ZNF341: variants seen among roughly 807,000 people sequenced by gnomAD.
The protein encoded by ZNF341 is zinc finger protein 341.
A neutral mutation model predicts 87.7 loss-of-function variants in ZNF341; 52 were observed. That is an observed-to-expected ratio of 0.59 (90% confidence interval 0.47 to 0.75). ZNF341 has a LOEUF of 0.75. Ranked by LOEUF, ZNF341 falls within the 30% of genes least tolerant of loss-of-function variation. The pLI is 0.00. For synonymous variants in ZNF341, 459 were observed against 472.7 expected, an observed-to-expected ratio of 0.97 and a Z score of 0.38; for missense variants, 977 against 1,145.9, an observed-to-expected ratio of 0.85 and a Z score of 2.13.
intron 2 of ZNF341, among the ~76,000 whole-genome samples, chr20:33,741,545 A>G (rs1471750264): frequency 6.6e-6 from 1 of 152,076 alleles, no homozygotes; most frequent in Non-Finnish European, 1.5e-5. Flanking sequence ...CTGGGATTAC[A>G]GGCGTGCGCC....
intron 5 of ZNF341, among the ~76,000 whole-genome samples, chr20:33,755,591 CTTTTTTT>C (rs1004093201): frequency 9.3e-5 from 11 of 118,030 alleles, no homozygotes; most frequent in African/African-American, 3.6e-4. Flanking sequence ...GAGTTGAATT[CTTTTTTT>C]TTTTTTTTTT....
intron 5 of ZNF341, among the ~76,000 whole-genome samples, chr20:33,755,481 G>A (rs373994620): frequency 1.8e-4 from 27 of 150,456 alleles, no homozygotes; most frequent in African/African-American, 6.6e-4. Context: ...AATTTTTTTT[G>A]TACCTTTTTT....
At chr20:33,740,604 A>C (rs2018778443) in intron 1 of ZNF341, among the ~76,000 whole-genome samples, 1 of 152,142 alleles carries the variant, frequency 6.6e-6, no homozygotes, top group Non-Finnish European at 1.5e-5. Flanking sequence ...ATCCAGGCTC[A>C]AGCAGTCCTC....
intron 8 of ZNF341, among the ~76,000 whole-genome samples, chr20:33,764,557 ATATATTTTTTTTTTT>A (rs2019362478): frequency 5.3e-5 from 3 of 56,078 alleles, no homozygotes; most frequent in Non-Finnish European, 2.9e-5. Flanking sequence ...ATATATATAT[ATATATTTTTTTTTTT>A]TTTTTTTTTT....
intron 1 of ZNF341, among the ~76,000 whole-genome samples, chr20:33,734,175 C>T (rs1267733173): frequency 6.6e-6 from 1 of 151,460 alleles, no homozygotes; most frequent in Non-Finnish European, 1.5e-5. Context: ...GGAGAATGGC[C>T]CAGGCAGCAG....
chr20:33,740,443 C>T (rs952126314), intron 1 of ZNF341, among the ~76,000 whole-genome samples: 14 of 152,130 alleles, frequency 9.2e-5, no homozygotes, highest in Admixed American at 3.3e-4. Context: ...CTTGGGCTCT[C>T]TCACAATGGA....
At chr20:33,761,594 T>C (rs1697588099) in intron 7 of ZNF341, among the ~76,000 whole-genome samples, 1 of 152,094 alleles carries the variant, frequency 6.6e-6, no homozygotes, top group African/African-American at 2.4e-5. Flanking sequence ...GCTTGAACAA[T>C]TAGGAAATGT....
At chr20:33,746,954 A>G (rs141700160) in intron 3 of ZNF341, among the ~76,000 whole-genome samples, 46 of 152,140 alleles carry the variant, frequency 3.0e-4, no homozygotes, top group African/African-American at 1.1e-3. Flanking sequence ...ATGCCTGCCA[A>G]CCTTTAAACG....
chr20:33,732,021 G>C lies in ZNF341; in HGVS notation c.-1G>C, dbSNP rs921223366. ...GTGGCGGCGACGGCGGCGGCTCCAA[G>C]ATGGCGCAGGCGATCTTTGAGGCCC... On this transcript the variant is annotated 5_prime_UTR_variant, in exon 1 of 15. Transcript: ENST00000375200. This position sits in a 1 kb window ranked among gnomAD's most constrained non-coding sequence, Gnocchi z 4.5. 5 of 1,422,110 alleles carry C rather than the reference G, an allele frequency of 3.5e-6. No individual in the cohort carries two copies. Among genetic ancestry groups the C allele is most frequent in the Admixed American group, 5.8e-5 (2 of 34,554 alleles). The allele number at this position is 1,422,110 out of a possible 1,614,324, so 88.1% of individuals were successfully genotyped here.
chr20:33,744,978 T>C, intron 2 of ZNF341, 125 bp from the exon 3 acceptor site: 2 of 810,592 alleles, frequency 2.5e-6, no homozygotes, highest in Non-Finnish European at 3.9e-6. Context: ...CCCAGATTGC[T>C]GCTTGTGGTC....
rs544631685 is a variant in ZNF341, at chr20:33,736,140, A to G, written c.31+4088A>G. 6.4e-3 allele frequency among the ~76,000 whole-genome samples: 850 copies of G among 133,436 alleles called. 6 individuals carry two copies. The highest frequency in any genetic ancestry group is 0.023 in the African/African-American group (810 of 35,970). 87.5% of individuals were successfully genotyped at this position (133,436 alleles called of 152,430 possible). The stretch of plus-strand genomic sequence containing the variant: ...TAGACCCTGTCTCAAAAAAAAAAAA[A>G]AGTAAAAACTGGAAACAGTTCAGAT... On this transcript the variant is annotated intron_variant, in intron 1 of 14. Transcript: ENST00000375200.
chr20:33,744,197 C>G (rs1251447663), intron 2 of ZNF341, among the ~76,000 whole-genome samples: 1 of 151,312 alleles, frequency 6.6e-6, no homozygotes, highest in East Asian at 1.9e-4. Flanking sequence ...GCAGGAGAAT[C>G]GCATGAATAT....
chr20:33,766,576 G>T (rs1333235469), intron 8 of ZNF341, among the ~76,000 whole-genome samples: 1 of 152,136 alleles, frequency 6.6e-6, no homozygotes, highest in African/African-American at 2.4e-5. Flanking sequence ...AACAACCATG[G>T]AGAGGTCTAC....
intron 9 of ZNF341, among the ~76,000 whole-genome samples, chr20:33,768,126 GT>G (rs34236809): frequency 6.7e-5 from 10 of 149,472 alleles, no homozygotes; most frequent in Admixed American, 1.3e-4. Flanking sequence ...AGGATCAAGT[GT>G]TTTTTTTTTC....
At chr20:33,742,550 A>G (rs952584681) in intron 2 of ZNF341, among the ~76,000 whole-genome samples, 3 of 151,880 alleles carry the variant, frequency 2.0e-5, no homozygotes, top group African/African-American at 7.3e-5. Flanking sequence ...TCCTGACCTC[A>G]GGTGATCCAC....
At chr20:33,744,841 C>T (rs1182158146) in intron 2 of ZNF341, among the ~76,000 whole-genome samples, 2 of 152,152 alleles carry the variant, frequency 1.3e-5, no homozygotes, top group Non-Finnish European at 1.5e-5. Flanking sequence ...ATCCACCCTC[C>T]AAGGCCTCGC....
rs939163297 is a variant in ZNF341, at chr20:33,732,606, A to G, written c.31+554A>G. Among the ~76,000 whole-genome samples, 3 of 152,178 alleles carry G rather than the reference A, an allele frequency of 2.0e-5. No homozygotes were observed. Among genetic ancestry groups the G allele is most frequent in the Admixed American group, 2.0e-4 (3 of 15,276 alleles). Reference sequence around the variant, plus strand: ...AGCTTAGGGACCCAAGCCAGCAAACACCTGGCGCCTGCAGTGCGCACCGTG... The same window carrying G: ...AGCTTAGGGACCCAAGCCAGCAAACGCCTGGCGCCTGCAGTGCGCACCGTG... On this transcript the variant is annotated intron_variant, in intron 1 of 14. Coordinates refer to ENST00000375200, the MANE Select transcript of ZNF341 (RefSeq NM_001282933.2). The surrounding 1 kb of genome is among the most constrained non-coding windows in gnomAD (Gnocchi z 4.5).
In ZNF341 at chr20:33,789,508, T is replaced by TGGGTTTTAG; in HGVS notation, c.1965-8_1965dup. On this transcript the variant is annotated splice_polypyrimidine_tract_variant and intron_variant, in intron 13 of 14. Transcript: ENST00000375200. ...GTGAGCTCCCCCTGACCAGTGGCTTTGGGTTTTAGGACGCACACAGGCTGC... is the reference window on the plus strand; with the variant it reads ...GTGAGCTCCCCCTGACCAGTGGCTTTGGGTTTTAGGGGTTTTAGGACGCACACAGGCTGC... 1 of 1,613,880 alleles carries TGGGTTTTAG rather than the reference T, an allele frequency of 6.2e-7. No homozygotes were observed. Among genetic ancestry groups the TGGGTTTTAG allele is most frequent in the South Asian group, 1.1e-5 (1 of 91,080 alleles).
intron 3 of ZNF341, 88 bp from the exon 4 acceptor site, chr20:33,748,835 C>A: frequency 7.5e-7 from 1 of 1,336,712 alleles, no homozygotes; most frequent in Non-Finnish European, 1.0e-6. Context: ...CAGAGCCTGA[C>A]ATGTCCACAC....
Sources: allele counts gnomAD v4.1 joint callset (sites outside exome capture counted in the v4.1 genomes callset), GRCh38; gene constraint gnomAD v4.1.1; non-coding constraint Gnocchi (gnomAD v3.1); transcripts MANE v1.5; gene names NCBI Gene and HGNC (gene_info 2026-07-23, HGNC 2026-07-21).